The following PRIM2 variants were observed in gnomAD, a reference collection of about 807,000 sequenced individuals.
PRIM2 encodes the protein DNA primase large subunit.
PRIM2 carries 39 observed loss-of-function variants against 67.3 expected under a neutral mutation model. The observed-to-expected ratio is 0.58, with a 90% CI of 0.45 to 0.76. PRIM2 has a LOEUF of 0.76. Ranked by LOEUF, PRIM2 falls within the 30% of genes least tolerant of loss-of-function variation. The pLI, the probability that PRIM2 is intolerant of heterozygous loss-of-function variation, is 0.00. For missense variants in PRIM2, 398 were observed against 598.7 expected (o/e 0.66, Z 3.50); for synonymous variants, 143 against 198.7 (o/e 0.72, Z 2.36).
chr6:57,225,879 A>G, the PRIM2 span, among the ~76,000 whole-genome samples: 2 of 152,218 alleles, frequency 1.3e-5, no homozygotes, highest in African/African-American at 4.8e-5. Context: ...CTAGACAATA[A>G]TAATCTACTG....
chr6:57,535,406 T>A (rs1446475973), intron 9 of PRIM2, among the ~76,000 whole-genome samples: 3 of 152,218 alleles, frequency 2.0e-5, no homozygotes, highest in Non-Finnish European at 4.4e-5. Context: ...TTTGCCCTTG[T>A]TGGAGCCCTC....
At chr6:57,452,400 A>G (rs1772586912) in intron 7 of PRIM2, among the ~76,000 whole-genome samples, 1 of 152,200 alleles carries the variant, frequency 6.6e-6, no homozygotes. Context: ...AGTCCCACCA[A>G]CAGTGTAAAA....
At chr6:57,433,084 G>A (rs1044018835) in intron 7 of PRIM2, among the ~76,000 whole-genome samples, 5 of 152,250 alleles carry the variant, frequency 3.3e-5, no homozygotes, top group South Asian at 2.1e-4. Context: ...ATGCCTATTC[G>A]TTATGTATTG....
chr6:57,344,914 T>A (rs1768619308), intron 5 of PRIM2, among the ~76,000 whole-genome samples: 1 of 152,162 alleles, frequency 6.6e-6, no homozygotes, highest in African/African-American at 2.4e-5. Flanking sequence ...CAAGCTGAAT[T>A]ACCCTTAAAG....
the PRIM2 span, among the ~76,000 whole-genome samples, chr6:57,285,255 T>G: frequency 6.6e-6 from 1 of 152,128 alleles, no homozygotes; most frequent in Admixed American, 6.5e-5. Context: ...AAAGAGGGAC[T>G]CCTCCCTAAC....
intron 6 of PRIM2, among the ~76,000 whole-genome samples, chr6:57,380,754 G>A (rs1769935375): frequency 6.7e-6 from 1 of 149,432 alleles, no homozygotes. Context: ...AGAGTGTGGT[G>A]ATCAATATTT....
chr6:57,370,812 C>T (rs1325765124), intron 5 of PRIM2, among the ~76,000 whole-genome samples: 2 of 150,958 alleles, frequency 1.3e-5, no homozygotes, highest in East Asian at 2.0e-4. Context: ...TATTTTCCTG[C>T]CTCAGCCTCC....
the PRIM2 span, among the ~76,000 whole-genome samples, chr6:57,269,357 T>C: frequency 6.6e-6 from 1 of 152,034 alleles, no homozygotes; most frequent in East Asian, 1.9e-4. Context: ...CTCATTGTGG[T>C]TTTGATTTGC....
the PRIM2 span, among the ~76,000 whole-genome samples, chr6:57,253,273 G>A: frequency 6.6e-6 from 1 of 152,158 alleles, no homozygotes; most frequent in South Asian, 2.1e-4. Flanking sequence ...TCTCTAAATG[G>A]TAGCTCCATT....
chr6:57,258,171 GA>G, the PRIM2 span, among the ~76,000 whole-genome samples: 2 of 152,108 alleles, frequency 1.3e-5, no homozygotes, highest in African/African-American at 4.8e-5. Context: ...TGTTTAAAAC[GA>G]AATAACCTAA....
chr6:57,370,550 A>G (rs1769512099), intron 5 of PRIM2, among the ~76,000 whole-genome samples: 1 of 152,216 alleles, frequency 6.6e-6, no homozygotes, highest in Admixed American at 6.5e-5. Context: ...TAATTCATCA[A>G]AGAAAACCAG....
At chr6:57,373,596 T>G (rs1396380052) in intron 5 of PRIM2, among the ~76,000 whole-genome samples, 3 of 152,224 alleles carry the variant, frequency 2.0e-5, no homozygotes, top group African/African-American at 7.2e-5. Flanking sequence ...CATTTAAGTA[T>G]TTAATCCATC....
intron 5 of PRIM2, among the ~76,000 whole-genome samples, chr6:57,337,980 AAGAG>A (rs1201661839): frequency 2.6e-5 from 4 of 152,000 alleles, no homozygotes; most frequent in Admixed American, 1.3e-4. Flanking sequence ...TAAAGAAAAA[AAGAG>A]AGAGGAATCA....
intron 5 of PRIM2, among the ~76,000 whole-genome samples, chr6:57,378,735 A>G (rs1279235441): frequency 2.0e-5 from 3 of 152,098 alleles, no homozygotes; most frequent in South Asian, 4.1e-4. Flanking sequence ...CTCTCGTCAG[A>G]TATCCCACTT....
intron 7 of PRIM2, among the ~76,000 whole-genome samples, chr6:57,401,524 G>A (rs1322053157): frequency 6.6e-6 from 1 of 152,132 alleles, no homozygotes; most frequent in Admixed American, 6.6e-5. Flanking sequence ...CTCTTAATGT[G>A]TGGGGTCCTC....
chr6:57,415,743 C>A (rs1771239645), intron 7 of PRIM2, among the ~76,000 whole-genome samples: 1 of 152,198 alleles, frequency 6.6e-6, no homozygotes, highest in African/African-American at 2.4e-5. Flanking sequence ...GTCATTTCAA[C>A]AATGTTCATA....
Position 57,558,074 on chromosome 6 carries a change from CTATTTGCCAGT to C in PRIM2, c.1020+20459_1020+20469del, listed in dbSNP as rs1775551970. Among the ~76,000 whole-genome samples the C allele has an allele frequency of 6.6e-5, 10 of 152,228 alleles. No individual in the cohort carries two copies. In the South Asian group the frequency reaches 1.9e-3, roughly 28 times the overall value. On this transcript the variant is annotated intron_variant, in intron 10 of 13. Coordinates refer to ENST00000615550, the MANE Select transcript of PRIM2 (RefSeq NM_000947.5). ...TTTGGAATCAAACCAGAGCCCAGACCTATTTGCCAGTTATTTGCCATGTGACTTTGGTTAAG... is the reference window on the plus strand; with the variant it reads ...TTTGGAATCAAACCAGAGCCCAGACCTATTTGCCATGTGACTTTGGTTAAG...
intron 10 of PRIM2, among the ~76,000 whole-genome samples, chr6:57,566,947 A>C (rs1775754808): frequency 6.6e-6 from 1 of 152,104 alleles, no homozygotes; most frequent in Admixed American, 6.6e-5. Flanking sequence ...TCATCTGTGA[A>C]AAGAGGATCC....
chr6:57,335,078 C>T (rs1444002564), intron 5 of PRIM2, among the ~76,000 whole-genome samples: 2 of 152,208 alleles, frequency 1.3e-5, no homozygotes, highest in Admixed American at 6.5e-5. Flanking sequence ...AGTTCCCTTT[C>T]CTAGTCAAAG....
Sources: gnomAD v4.1 joint callset for allele counts (sites outside exome capture counted in the v4.1 genomes callset) on GRCh38, gnomAD v4.1.1 for gene constraint, MANE v1.5 for transcripts, NCBI Gene and HGNC (gene_info 2026-07-23, HGNC 2026-07-21) for gene names.